INPP4A: variants seen among roughly 807,000 people sequenced by gnomAD.
INPP4A encodes inositol polyphosphate-4-phosphatase, type I, 107kD.
INPP4A carries 33 observed loss-of-function variants against 119.8 expected under a neutral mutation model. The ratio of observed to expected loss-of-function variants is 0.28; its 90% CI spans 0.21 to 0.37. The LOEUF (loss-of-function observed/expected upper bound fraction) is 0.37. INPP4A is among the 10% of genes least tolerant of loss of function. The pLI, the probability that INPP4A is intolerant of heterozygous loss-of-function variation, is 1.00. For synonymous variants in INPP4A, 496 were observed against 500.7 expected (o/e 0.99, Z 0.12); for missense variants, 956 against 1,289.9 (o/e 0.74, Z 3.97).
At chr2:98,510,319 G>A (rs978336038) in intron 1 of INPP4A, among the ~76,000 whole-genome samples, 8 of 152,192 alleles carry the variant, frequency 5.3e-5, no homozygotes, top group Non-Finnish European at 1.0e-4. Flanking sequence ...ACCTTGAGGG[G>A]CTGGTGAGGT....
intron 23 of INPP4A, 51 bp downstream of exon 23, chr2:98,572,978 C>A: frequency 7.7e-7 from 1 of 1,291,986 alleles, no homozygotes; most frequent in Non-Finnish European, 1.1e-6. Context: ...CACAGCTGAA[C>A]GTCATGACAG....
intron 1 of INPP4A, among the ~76,000 whole-genome samples, chr2:98,485,643 T>C (rs1435871588): frequency 6.6e-6 from 1 of 152,166 alleles, no homozygotes; most frequent in East Asian, 1.9e-4. Flanking sequence ...TGAGAGTTCC[T>C]TTATTTTGTT....
At chr2:98,452,056 T>G (rs972069909) in intron 1 of INPP4A, among the ~76,000 whole-genome samples, 1 of 152,156 alleles carries the variant, frequency 6.6e-6, no homozygotes. Context: ...AGGGGGTTAG[T>G]CTCCTCATGA....
intron 1 of INPP4A, among the ~76,000 whole-genome samples, chr2:98,489,863 C>T (rs1213725616): frequency 1.1e-5 from 1 of 93,766 alleles, no homozygotes; most frequent in East Asian, 4.0e-4. Context: ...TTATATACCC[C>T]CCCACCCCCC....
At chr2:98,510,449 A>G (rs1684908123) in intron 1 of INPP4A, among the ~76,000 whole-genome samples, 1 of 152,228 alleles carries the variant, frequency 6.6e-6, no homozygotes, top group Admixed American at 6.5e-5. Flanking sequence ...TCAGGCTGCT[A>G]TAACAAAATA....
At chr2:98,567,838 A>T (rs1430685656) in intron 21 of INPP4A, among the ~76,000 whole-genome samples, 1 of 152,112 alleles carries the variant, frequency 6.6e-6, no homozygotes, top group African/African-American at 2.4e-5. Flanking sequence ...CCAGGGGTGG[A>T]TGGGCTGGGA....
intron 1 of INPP4A, among the ~76,000 whole-genome samples, chr2:98,481,395 GACC>G (rs1169239334): frequency 6.6e-6 from 1 of 152,058 alleles, no homozygotes; most frequent in Admixed American, 6.6e-5. Context: ...CGCATAAATC[GACC>G]ACTCTTGGCA....
At chr2:98,583,004 G>C (rs1699545366) in intron 24 of INPP4A, among the ~76,000 whole-genome samples, 1 of 150,114 alleles carries the variant, frequency 6.7e-6, no homozygotes, top group Non-Finnish European at 1.5e-5. Context: ...ATCACCTACT[G>C]CATACGCCAG....
intron 14 of INPP4A, among the ~76,000 whole-genome samples, chr2:98,553,586 C>T (rs1216279663): frequency 6.6e-6 from 1 of 152,044 alleles, no homozygotes; most frequent in African/African-American, 2.4e-5. Flanking sequence ...TACACACACA[C>T]ACACCCCAGA....
chr2:98,523,646 G>A (rs868103415), intron 4 of INPP4A, among the ~76,000 whole-genome samples: 11 of 152,206 alleles, frequency 7.2e-5, no homozygotes, highest in Middle Eastern at 3.4e-3. Flanking sequence ...TGCCCGCCTC[G>A]GCCTCCCAAA....
chr2:98,450,474 A>G (rs925803418), intron 1 of INPP4A, among the ~76,000 whole-genome samples: 8 of 152,206 alleles, frequency 5.3e-5, no homozygotes, highest in Admixed American at 5.2e-4. Context: ...TATCCCTAGA[A>G]CTATTGTGGA....
chr2:98,522,994 C>T (rs1007398957), intron 4 of INPP4A, among the ~76,000 whole-genome samples: 4 of 152,136 alleles, frequency 2.6e-5, no homozygotes, highest in South Asian at 2.1e-4. Context: ...ATTCTTTCTC[C>T]GGAAGCTAGT....
chr2:98,520,104 G>A lies in INPP4A; in HGVS notation c.56G>A (p.Arg19Gln), dbSNP rs761184076. The A allele has an allele frequency of 8.2e-6, 13 of 1,576,946 alleles. No homozygotes were observed. The highest frequency in any genetic ancestry group is 1.8e-5 in the Admixed American group (1 of 55,406). ...GGTGCCAGGGCCCGTGCAATGCAGC[G>A]GGCTTCCACCATCGACGTGGCGGCC... Reference protein sequence around the residue: ...RHGARARAMQRASTIDVAADM... With the variant: ...RHGARARAMQQASTIDVAADM... Residue 19 changes from arginine to glutamine, a missense_variant, in exon 3 of 25, where the codon CGG becomes CAG. Physicochemically the swap from Arg to Gln is conservative, Grantham distance 43 (BLOSUM62 1). Coordinates refer to ENST00000409851, the MANE Select transcript of INPP4A (RefSeq NM_001134225.2).
chr2:98,521,257 CT>C (rs1417407795), intron 4 of INPP4A: 1 of 152,684 alleles, frequency 6.5e-6, no homozygotes, highest in Admixed American at 6.5e-5. Flanking sequence ...TGTGCTGAGT[CT>C]GGGGTCAGCG....
chr2:98,448,845 G>A (rs1694734444), intron 1 of INPP4A, among the ~76,000 whole-genome samples: 3 of 151,930 alleles, frequency 2.0e-5, no homozygotes, highest in Admixed American at 2.0e-4. Context: ...CTGGACTATA[G>A]GTGTGTGCCA....
intron 16 of INPP4A, among the ~76,000 whole-genome samples, chr2:98,556,737 C>T (rs946306961): frequency 2.0e-5 from 3 of 152,212 alleles, no homozygotes; most frequent in Non-Finnish European, 2.9e-5. Flanking sequence ...GCCTCTTGGT[C>T]AGAGCCTCTT....
Position 98,546,177 on chromosome 2 carries a change from C to T in INPP4A, c.1054+104C>T. Reference sequence around the variant, plus strand: ...ACATCTGCCCATTTCCCTGTGTGCTCTGGGCGGCTCGGAGGAGAGATTTGT... The same window carrying T: ...ACATCTGCCCATTTCCCTGTGTGCTTTGGGCGGCTCGGAGGAGAGATTTGT... On this transcript the variant is annotated intron_variant, in intron 12 of 24. Coordinates refer to ENST00000409851, the MANE Select transcript of INPP4A (RefSeq NM_001134225.2). The surrounding 1 kb of genome is among the most constrained non-coding windows in gnomAD (Gnocchi z 4.2). 2 of 778,852 alleles carry T rather than the reference C, an allele frequency of 2.6e-6. No homozygotes were observed. The highest frequency in any genetic ancestry group is 1.6e-5 in the South Asian group (1 of 60,728). 48.2% of individuals were successfully genotyped at this position (778,852 alleles called of 1,614,324 possible).
intron 18 of INPP4A, among the ~76,000 whole-genome samples, chr2:98,564,188 G>C (rs1696016541): frequency 6.6e-6 from 1 of 152,156 alleles, no homozygotes; most frequent in African/African-American, 2.4e-5. Flanking sequence ...ACCCATCCTG[G>C]AGAGTCCTGT....
chr2:98,493,622 T>A (rs1681313618), intron 1 of INPP4A, among the ~76,000 whole-genome samples: 1 of 151,888 alleles, frequency 6.6e-6, no homozygotes, highest in Non-Finnish European at 1.5e-5. Flanking sequence ...GTCTTAAACT[T>A]ATGAGCTCAA....
Sources: allele counts gnomAD v4.1 joint callset (sites outside exome capture counted in the v4.1 genomes callset), GRCh38; gene constraint gnomAD v4.1.1; non-coding constraint Gnocchi (gnomAD v3.1); transcripts MANE v1.5; gene names NCBI Gene and HGNC (gene_info 2026-07-23, HGNC 2026-07-21).